The following MUC20 variants were observed in gnomAD, a reference collection of about 807,000 sequenced individuals.
MUC20 encodes the protein mucin-20.
In MUC20, 14 loss-of-function variants were observed where a neutral mutation model predicts 23.8. The ratio of observed to expected loss-of-function variants is 0.59; its 90% CI spans 0.39 to 0.92. The LOEUF (loss-of-function observed/expected upper bound fraction) is 0.92, where lower values mean the gene tolerates loss of function less well. Among genes scored for constraint, MUC20 ranks in the 40% least tolerant of loss-of-function variants. MUC20 has a pLI of 0.00. For missense variants in MUC20, 375 were observed against 668.8 expected (o/e 0.56, Z 4.85); for synonymous variants, 166 against 279.3 (o/e 0.59, Z 4.04).
intron 2 of MUC20, among the ~76,000 whole-genome samples, chr3:195,728,247 C>T (rs149997874): frequency 0.018 from 2,747 of 151,776 alleles, 10 homozygotes; most frequent in African/African-American, 0.053. Context: ...GGACCTGCAC[C>T]GGCACCAGTC....
chr3:195,729,313 T>C, intron 2 of MUC20: 1 of 290,326 alleles, frequency 3.4e-6, no homozygotes. Context: ...TTCATCCTCC[T>C]CTTTTTTTTT....
chr3:195,726,403 C>A lies in MUC20; in HGVS notation c.1800C>A (p.Phe600Leu). 1 of 1,614,074 alleles carries A rather than the reference C, an allele frequency of 6.2e-7. No homozygotes were observed. The highest frequency in any genetic ancestry group is 8.5e-7 in the Non-Finnish European group (1 of 1,179,888). Reference sequence around the variant, plus strand: ...TGGACATCGCAACCAAGGGGCCCTTCCCCACCAGCAGGGACCCTCTTCCTT... The same window carrying A: ...TGGACATCGCAACCAAGGGGCCCTTACCCACCAGCAGGGACCCTCTTCCTT... The part of the protein sequence containing the change: ...PTMDIATKGP[F>L]PTSRDPLPSV... Residue 600 changes from phenylalanine to leucine, a missense_variant, in exon 2 of 4, where the codon TTC (phenylalanine) becomes TTA (leucine). By Grantham distance (22) the Phe-to-Leu change is conservative. Transcript: ENST00000447234.
At chr3:195,728,338 TAAG>T (rs1712940919) in intron 2 of MUC20, among the ~76,000 whole-genome samples, 1 of 152,288 alleles carries the variant, frequency 6.6e-6, no homozygotes, top group Non-Finnish European at 1.5e-5. Flanking sequence ...AGGGTGATAA[TAAG>T]GAGAAGGTCA....
intron 2 of MUC20, among the ~76,000 whole-genome samples, chr3:195,726,906 G>A (rs1351272976): frequency 6.6e-6 from 1 of 152,262 alleles, no homozygotes; most frequent in African/African-American, 2.4e-5. Flanking sequence ...AATGGGCACT[G>A]AAGTCCTGTC....
At chr3:195,732,398 C>G (rs537056741) in intron 3 of MUC20, among the ~76,000 whole-genome samples, 1 of 151,830 alleles carries the variant, frequency 6.6e-6, no homozygotes, top group Admixed American at 6.6e-5. Flanking sequence ...CTCGCTCTGT[C>G]GTCCAGGCTG....
chr3:195,727,633 A>G (rs1282744316), intron 2 of MUC20, among the ~76,000 whole-genome samples: 1 of 152,292 alleles, frequency 6.6e-6, no homozygotes, highest in Admixed American at 6.5e-5. Flanking sequence ...CACTCAATAC[A>G]TAAAGATATT....
In MUC20 at chr3:195,726,359, C is replaced by G; in HGVS notation, c.1756C>G (p.Pro586Ala). ...PSEAALKNFT[P>A]SETPTMDIAT... ...GGAAGCCGCCCTCAAGAACTTCACC[C>G]CTTCAGAGACACCGACCATGGACAT... The change falls in exon 2 of 4, where the codon CCT becomes GCT. Residue 586 changes from proline (P) to alanine (A), a missense_variant. Physicochemically the swap from Pro to Ala is conservative, Grantham distance 27. Transcript: ENST00000447234. The G allele has an allele frequency of 6.2e-7, 1 of 1,614,026 alleles. No homozygotes were observed. Among genetic ancestry groups the G allele is most frequent in the South Asian group, 1.1e-5 (1 of 91,078 alleles).
intron 3 of MUC20, chr3:195,729,980 C>T (rs182306427): frequency 7.2e-4 from 389 of 540,378 alleles, no homozygotes; most frequent in African/African-American, 7.0e-3. Flanking sequence ...CCCCCAGTTT[C>T]TTCTGGTCCT....
In MUC20 at chr3:195,726,283, G is replaced by A. The variant is rs368105388; in HGVS notation, c.1680G>A (p.Val560=). 4 of 1,613,924 alleles carry A rather than the reference G, an allele frequency of 2.5e-6. No homozygotes were observed. Among genetic ancestry groups the A allele is most frequent in the African/African-American group, 2.7e-5 (2 of 74,956 alleles). The change falls in exon 2 of 4, where the codon GTG becomes GTA. Residue 560 remains valine (V), a synonymous_variant. Coordinates refer to ENST00000447234, the MANE Select transcript of MUC20 (RefSeq NM_001282506.2). ...TCTCCATAGAGGCTGGGTCAGCAGT[G>A]GGCAAAACAACTTCCTTTGCTGGGA... is the stretch of plus-strand genomic sequence containing the variant. ...APVSIEAGSA[V]GKTTSFAGSS...
intron 2 of MUC20, among the ~76,000 whole-genome samples, chr3:195,727,745 G>A (rs941920794): frequency 6.6e-6 from 1 of 152,198 alleles, no homozygotes; most frequent in African/African-American, 2.4e-5. Context: ...CAGGCAGTGT[G>A]CCACCAGCTT....
chr3:195,729,485 T>G, intron 2 of MUC20, 163 bp from the exon 3 acceptor site: 1 of 674,184 alleles, frequency 1.5e-6, no homozygotes, highest in Non-Finnish European at 2.5e-6. Flanking sequence ...CCCGGCTCAT[T>G]TTGTGTTTTT....
At chr3:195,728,931 T>C (rs867922091) in intron 2 of MUC20, among the ~76,000 whole-genome samples, 6 of 152,186 alleles carry the variant, frequency 3.9e-5, no homozygotes, top group Admixed American at 1.3e-4. Flanking sequence ...ACCTTGATTT[T>C]ATACAACACA....
intron 3 of MUC20, chr3:195,730,099 C>CAAAAAAAAAAAAA (rs4036961): frequency 2.2e-5 from 2 of 92,994 alleles, no homozygotes; most frequent in Non-Finnish European, 4.2e-5. Flanking sequence ...GCAGTTTATG[C>CAAAAAAAAAAAAA]AAAAAAAAAA....
At chr3:195,721,462 A>G (rs1376548750) in intron 1 of MUC20, among the ~76,000 whole-genome samples, 2 of 151,334 alleles carry the variant, frequency 1.3e-5, no homozygotes, top group Admixed American at 6.6e-5. Context: ...GCTGGTGATC[A>G]TTGTGCAGAA....
chr3:195,731,165 A>G (rs1013780853), intron 3 of MUC20, among the ~76,000 whole-genome samples: 2 of 152,192 alleles, frequency 1.3e-5, no homozygotes, highest in Non-Finnish European at 2.9e-5. Context: ...CACCTCTCAC[A>G]GTCAATGGGA....
chr3:195,722,576 G>A (rs1712248193), intron 1 of MUC20: 1 of 990,246 alleles, frequency 1.0e-6, no homozygotes, highest in Non-Finnish European at 1.2e-6. Context: ...CTGTATTCGA[G>A]AAGACCCCCT....
chr3:195,728,515 G>A (rs1280503421), intron 2 of MUC20, among the ~76,000 whole-genome samples: 10 of 152,256 alleles, frequency 6.6e-5, no homozygotes, highest in South Asian at 2.1e-4. Flanking sequence ...CTCACCTCCC[G>A]CCACAGGGTG....
chr3:195,729,789 G>T (rs369645756), intron 3 of MUC20, 50 bp downstream of exon 3: 1 of 1,507,262 alleles, frequency 6.6e-7, no homozygotes, highest in South Asian at 1.2e-5. Context: ...GGCGAGGTTC[G>T]CAGGGGCTGC....
rs189849701 is a variant in MUC20 at position 195,728,450 on chromosome 3, A to G, written c.1970-1198A>G. On this transcript the variant is annotated intron_variant, in intron 2 of 3. Coordinates refer to ENST00000447234, the MANE Select transcript of MUC20 (RefSeq NM_001282506.2). Reference sequence around the variant, plus strand: ...GTAGGCCAGATTTATGTTTCTCTCCACCCAAACATCTCAGCAGAGTAAAGA... The same window carrying G: ...GTAGGCCAGATTTATGTTTCTCTCCGCCCAAACATCTCAGCAGAGTAAAGA... 4.6e-3 allele frequency among the ~76,000 whole-genome samples: 695 copies of G among 152,216 alleles called. 2 individuals carry two copies. Among genetic ancestry groups the G allele is most frequent in the Non-Finnish European group, 7.5e-3 (507 of 67,942 alleles).
Sources: allele counts gnomAD v4.1 joint callset (sites outside exome capture counted in the v4.1 genomes callset), GRCh38; gene constraint gnomAD v4.1.1; transcripts MANE v1.5; gene names NCBI Gene and HGNC (gene_info 2026-07-23, HGNC 2026-07-21).